The following TLK2 variants were observed in gnomAD, a reference collection of about 807,000 sequenced individuals.
TLK2 encodes the protein serine/threonine-protein kinase tousled-like 2.
In TLK2, 6 loss-of-function variants were observed where a neutral mutation model predicts 117.3. The observed-to-expected ratio is 0.05, with a 90% CI of 0.03 to 0.10. The LOEUF (loss-of-function observed/expected upper bound fraction) is 0.10, where lower values mean the gene tolerates loss of function less well. Ranked by LOEUF, TLK2 falls within the 10% of genes least tolerant of loss-of-function variation. The pLI, the probability that TLK2 is intolerant of heterozygous loss-of-function variation, is 1.00. For synonymous variants in TLK2, 257 were observed against 316.7 expected (o/e 0.81, Z 2.00); for missense variants, 299 against 901.2 (o/e 0.33, Z 8.56).
chr17:62,596,493 T>C (rs2082490683), intron 16 of TLK2, 92 bp from the exon 17 acceptor site: 6 of 945,882 alleles, frequency 6.3e-6, no homozygotes, highest in Admixed American at 1.8e-5. Flanking sequence ...GTGGAGACAA[T>C]AGAGAAATGA....
rs1303898768 is a variant in TLK2, at chr17:62,615,438, TG to T, written c.*2878del. Reference sequence around the variant, plus strand: ...TTGTTTTAGCCTTTTCCCAATGGGGTGGGGGAGGGAAGAAGGATATTAAAAT... The same window carrying T: ...TTGTTTTAGCCTTTTCCCAATGGGGTGGGGAGGGAAGAAGGATATTAAAAT... On this transcript the variant is annotated 3_prime_UTR_variant, in exon 22 of 22. Transcript: ENST00000346027. The T allele has an allele frequency of 2.0e-5, 3 of 151,970 alleles. No homozygotes were observed. The highest frequency in any genetic ancestry group is 1.3e-4 in the Admixed American group (2 of 15,232). The allele number at this position is 151,970 out of a possible 1,614,324, so 9.4% of individuals were successfully genotyped here. A position where few individuals can be genotyped will look rare whatever the true frequency, so the allele number is the denominator to read the frequency against.
intron 2 of TLK2, among the ~76,000 whole-genome samples, chr17:62,491,342 A>C (rs949090947): frequency 6.6e-6 from 1 of 152,156 alleles, no homozygotes; most frequent in Non-Finnish European, 1.5e-5. Flanking sequence ...TTAAAATTTT[A>C]TTTTTAAGAA....
At chr17:62,529,486 G>C (rs1379292666) in intron 6 of TLK2, among the ~76,000 whole-genome samples, 1 of 152,112 alleles carries the variant, frequency 6.6e-6, no homozygotes, top group Non-Finnish European at 1.5e-5. Context: ...TGCCTGCCTT[G>C]GCCTCCCAAA....
intron 9 of TLK2, among the ~76,000 whole-genome samples, chr17:62,554,941 A>G (rs1185034815): frequency 6.6e-6 from 1 of 151,160 alleles, no homozygotes; most frequent in African/African-American, 2.5e-5. Flanking sequence ...TCATAATTCC[A>G]TTAATTGGGA....
intron 7 of TLK2, among the ~76,000 whole-genome samples, chr17:62,540,046 T>A (rs139358118): frequency 1.3e-5 from 2 of 151,102 alleles, no homozygotes; most frequent in East Asian, 3.9e-4. Flanking sequence ...CTCCTCCTCC[T>A]CCTCTTCCTC....
chr17:62,591,959 T>C (rs1474898753), intron 16 of TLK2, among the ~76,000 whole-genome samples: 2 of 151,826 alleles, frequency 1.3e-5, no homozygotes, highest in African/African-American at 2.4e-5. Context: ...CTTTCTTCTT[T>C]TTTTTTTTTT....
chr17:62,565,307 A>G (rs1361175494), intron 11 of TLK2, among the ~76,000 whole-genome samples, 170 bp downstream of exon 11: 2 of 152,210 alleles, frequency 1.3e-5, no homozygotes, highest in Non-Finnish European at 2.9e-5. Context: ...AGTCCTGAAA[A>G]AAAACGACAC....
chr17:62,599,572 C>T (rs544119287), intron 17 of TLK2, among the ~76,000 whole-genome samples: 1 of 152,254 alleles, frequency 6.6e-6, no homozygotes, highest in East Asian at 1.9e-4. Flanking sequence ...ATTCTAGTTT[C>T]CCCTGATGAC....
chr17:62,494,461 T>A (rs1442353958), intron 2 of TLK2, among the ~76,000 whole-genome samples: 2 of 152,216 alleles, frequency 1.3e-5, no homozygotes, highest in Non-Finnish European at 2.9e-5. Context: ...TTCACCTTGT[T>A]GGCCAGGCTG....
At chr17:62,539,485 T>C (rs1413414520) in intron 7 of TLK2, among the ~76,000 whole-genome samples, 2 of 150,346 alleles carry the variant, frequency 1.3e-5, no homozygotes, top group African/African-American at 4.9e-5. Context: ...TTTTTTTTTT[T>C]TTTTTTTCAA....
chr17:62,523,971 A>T (rs1044433381), intron 5 of TLK2, among the ~76,000 whole-genome samples: 3 of 152,152 alleles, frequency 2.0e-5, no homozygotes, highest in Non-Finnish European at 4.4e-5. Context: ...TTCTTCTCTC[A>T]TGTCCTTTCA....
intron 7 of TLK2, among the ~76,000 whole-genome samples, chr17:62,540,399 A>ATTTTTTTTTTTTTT (rs1567879183): frequency 7.5e-5 from 1 of 13,378 alleles, no homozygotes; most frequent in African/African-American, 9.6e-5. Context: ...ATATGTTCAG[A>ATTTTTTTTTTTTTT]ATTTTTTTTT....
chr17:62,571,042 A>G (rs2080246283), intron 11 of TLK2, among the ~76,000 whole-genome samples: 1 of 152,194 alleles, frequency 6.6e-6, no homozygotes, highest in East Asian at 1.9e-4. Context: ...AAAGATGTTT[A>G]CTAGTTTTTT....
chr17:62,572,284 A>G (rs1469229961), intron 11 of TLK2, among the ~76,000 whole-genome samples: 1 of 152,154 alleles, frequency 6.6e-6, no homozygotes, highest in Non-Finnish European at 1.5e-5. Context: ...GGGAGCTATC[A>G]TTTGATTGTC....
chr17:62,502,342 C>T (rs1161955617), intron 2 of TLK2, among the ~76,000 whole-genome samples: 1 of 152,078 alleles, frequency 6.6e-6, no homozygotes, highest in Non-Finnish European at 1.5e-5. Context: ...TAACTGTTAA[C>T]ACTATTTGTG....
chr17:62,591,713 A>G (rs2082096492), intron 16 of TLK2, among the ~76,000 whole-genome samples: 1 of 151,912 alleles, frequency 6.6e-6, no homozygotes. Flanking sequence ...TTAGATTCCT[A>G]TTTCTCCCTT....
At chr17:62,581,292 TGCACCCA>T (rs751292805) in intron 15 of TLK2, among the ~76,000 whole-genome samples, 3 of 152,190 alleles carry the variant, frequency 2.0e-5, no homozygotes, top group Non-Finnish European at 4.4e-5. Context: ...TGTGAGACAC[TGCACCCA>T]GCTGTGATTT....
chr17:62,532,340 A>G (rs1368790299), intron 6 of TLK2, among the ~76,000 whole-genome samples: 1 of 152,160 alleles, frequency 6.6e-6, no homozygotes. Context: ...TATTGAATAT[A>G]TGGCAGAAGG....
chr17:62,602,875 C>T (rs979215835), intron 19 of TLK2, among the ~76,000 whole-genome samples: 15 of 152,274 alleles, frequency 9.9e-5, no homozygotes, highest in Admixed American at 9.2e-4. Flanking sequence ...AGGCCTTTAA[C>T]TCTATGGTTG....
Sources: allele counts gnomAD v4.1 joint callset (sites outside exome capture counted in the v4.1 genomes callset), GRCh38; gene constraint gnomAD v4.1.1; transcripts MANE v1.5; gene names NCBI Gene and HGNC (gene_info 2026-07-23, HGNC 2026-07-21).